The following SYTL3 variants were observed in gnomAD, a reference collection of about 807,000 sequenced individuals.
The protein encoded by SYTL3 is synaptotagmin like 3.
Under a neutral mutation model 82.1 loss-of-function variants are expected in SYTL3, and 88 were observed. The ratio of observed to expected loss-of-function variants is 1.07; its 90% CI spans 0.90 to 1.28. SYTL3 has a LOEUF of 1.28. Among genes scored for constraint, SYTL3 ranks in the 50% most tolerant of loss-of-function variants. SYTL3 has a pLI of 0.00. For synonymous variants in SYTL3, 311 were observed against 289.4 expected, an observed-to-expected ratio of 1.07 and a Z score of -0.76; for missense variants, 831 against 757.6, an observed-to-expected ratio of 1.10 and a Z score of -1.14.
intron 6 of SYTL3, among the ~76,000 whole-genome samples, chr6:158,684,538 T>C (rs921913880): frequency 2.6e-5 from 4 of 152,132 alleles, no homozygotes; most frequent in Non-Finnish European, 5.9e-5. Context: ...CATCTGACTA[T>C]ATCAGGGATG....
chr6:158,676,583 C>T (rs1398810291), intron 5 of SYTL3, among the ~76,000 whole-genome samples: 3 of 152,124 alleles, frequency 2.0e-5, no homozygotes, highest in Non-Finnish European at 4.4e-5. Flanking sequence ...AGAGCTTCTG[C>T]ACAGCAAAAG....
intron 6 of SYTL3, among the ~76,000 whole-genome samples, chr6:158,706,409 A>G (rs562361681): frequency 6.6e-6 from 1 of 152,148 alleles, no homozygotes; most frequent in Admixed American, 6.5e-5. Flanking sequence ...GTCTTATGGA[A>G]GTGATGTTTC....
intron 11 of SYTL3, chr6:158,725,883 C>T: frequency 1.4e-6 from 1 of 699,014 alleles, no homozygotes. Context: ...TATCAATCCA[C>T]TCCACCAGTG....
intron 4 of SYTL3, among the ~76,000 whole-genome samples, chr6:158,663,810 C>T (rs923605649): frequency 1.3e-5 from 2 of 152,130 alleles, no homozygotes; most frequent in African/African-American, 4.8e-5. Flanking sequence ...TCACAAGCAG[C>T]AACTCTGATG....
At chr6:158,648,581 A>G (rs1424140296), upstream of SYTL3, among the ~76,000 whole-genome samples, 2 of 126,712 alleles carry the variant, frequency 1.6e-5, no homozygotes, top group African/African-American at 6.0e-5. Flanking sequence ...AAAGAGCGAG[A>G]CTCGGTCTCA....
At chr6:158,658,267 G>C (rs147746794) in intron 2 of SYTL3, among the ~76,000 whole-genome samples, 2,777 of 152,226 alleles carry the variant, frequency 0.018, 40 homozygotes, top group South Asian at 0.05. Flanking sequence ...GTTAAATTCT[G>C]TTGTTAATTA....
At chr6:158,755,346 A>C (rs979131500) in intron 13 of SYTL3, among the ~76,000 whole-genome samples, 1 of 152,162 alleles carries the variant, frequency 6.6e-6, no homozygotes, top group Non-Finnish European at 1.5e-5. Context: ...CTGTCCCCCC[A>C]AAAAAGATAT....
At chr6:158,648,125 C>G (rs1787603838), upstream of SYTL3, among the ~76,000 whole-genome samples, 2 of 152,104 alleles carry the variant, frequency 1.3e-5, no homozygotes, top group African/African-American at 4.8e-5. Flanking sequence ...GAAACCCTAT[C>G]TCTACTAAAA....
intron 13 of SYTL3, among the ~76,000 whole-genome samples, chr6:158,755,878 A>T (rs570047978): frequency 6.6e-6 from 1 of 152,288 alleles, no homozygotes; most frequent in Admixed American, 6.5e-5. Flanking sequence ...GGACACAGTC[A>T]GTGCACGTGA....
intron 5 of SYTL3, among the ~76,000 whole-genome samples, chr6:158,677,381 G>A (rs760856996): frequency 5.3e-5 from 8 of 152,076 alleles, no homozygotes; most frequent in Non-Finnish European, 1.2e-4. Context: ...CACAGGAAGG[G>A]GAACATCACA....
At chr6:158,678,643 C>G (rs942199334) in intron 5 of SYTL3, among the ~76,000 whole-genome samples, 1 of 152,152 alleles carries the variant, frequency 6.6e-6, no homozygotes, top group African/African-American at 2.4e-5. Flanking sequence ...AAAATGGATG[C>G]TGAAAACCCC....
At chr6:158,740,338 C>A (rs185211755) in intron 11 of SYTL3, among the ~76,000 whole-genome samples, 14 of 152,114 alleles carry the variant, frequency 9.2e-5, no homozygotes, top group Admixed American at 9.2e-4. Context: ...AAATTCTAGT[C>A]CTCTGGAGAA....
chr6:158,738,208 A>C (rs1253551853), intron 11 of SYTL3, among the ~76,000 whole-genome samples: 1 of 152,078 alleles, frequency 6.6e-6, no homozygotes, highest in African/African-American at 2.4e-5. Flanking sequence ...TGTGCCCAGC[A>C]CTGCCCAGCA....
chr6:158,758,120 C>T (rs993735184), intron 14 of SYTL3, among the ~76,000 whole-genome samples: 6 of 152,236 alleles, frequency 3.9e-5, no homozygotes, highest in East Asian at 3.9e-4. Flanking sequence ...GGATGAAAAA[C>T]GTGGGCTTCT....
intron 8 of SYTL3, among the ~76,000 whole-genome samples, chr6:158,713,263 A>C (rs1298456694): frequency 6.6e-6 from 1 of 152,038 alleles, no homozygotes; most frequent in Non-Finnish European, 1.5e-5. Context: ...TGAATGAATG[A>C]GACTTGGATA....
At chr6:158,752,931 A>G (rs1274330694) in intron 13 of SYTL3, among the ~76,000 whole-genome samples, 5 of 152,118 alleles carry the variant, frequency 3.3e-5, no homozygotes, top group African/African-American at 1.2e-4. Flanking sequence ...TGGGGTAATT[A>G]TTAGAATCCT....
chr6:158,702,315 A>T (rs1781399008), intron 6 of SYTL3, among the ~76,000 whole-genome samples: 1 of 143,128 alleles, frequency 7.0e-6, no homozygotes, highest in South Asian at 2.2e-4. Flanking sequence ...AACAAGAGTG[A>T]GACTCTGTCT....
Position 158,763,443 on chromosome 6 carries a change from ACTGT to A in SYTL3, c.1661_1664del (p.Val554GlyfsTer8), listed in dbSNP as rs757834990. The A allele has an allele frequency of 1.1e-5, 17 of 1,614,096 alleles. No individual in the cohort carries two copies. In the Middle Eastern group the frequency reaches 4.9e-4, roughly 47 times the overall value. On this transcript the variant is annotated frameshift_variant, in exon 17 of 18. Coordinates refer to ENST00000611299, the MANE Select transcript of SYTL3 (RefSeq NM_001242394.2). LOFTEE classifies it high-confidence loss of function. ...GCTGAGGCAGTCAAGCTTGGAGTTAACTGTCTGGGATCAGGCCCTCTTTGGAATG... is the reference window on the plus strand; with the variant it reads ...GCTGAGGCAGTCAAGCTTGGAGTTAACTGGGATCAGGCCCTCTTTGGAATG...
At chr6:158,733,833 C>T (rs991933705) in intron 11 of SYTL3, among the ~76,000 whole-genome samples, 5 of 151,258 alleles carry the variant, frequency 3.3e-5, no homozygotes, top group Admixed American at 1.3e-4. Flanking sequence ...CGCGGTGGCT[C>T]ACGCCTGTAA....
Sources: gnomAD v4.1 joint callset for allele counts (sites outside exome capture counted in the v4.1 genomes callset) on GRCh38, gnomAD v4.1.1 for gene constraint, MANE v1.5 for transcripts, NCBI Gene and HGNC (gene_info 2026-07-23, HGNC 2026-07-21) for gene names.